ZNF705G: variants seen among roughly 807,000 people sequenced by gnomAD.
ZNF705G encodes the protein zinc finger protein 705G.
ZNF705G carries 23 observed loss-of-function variants against 19.6 expected under a neutral mutation model. That is an observed-to-expected ratio of 1.17 (90% CI 0.84 to 1.66). The LOEUF is 1.66. Ranked by LOEUF, ZNF705G falls within the 40% of genes most tolerant of loss-of-function variation. ZNF705G has a pLI of 0.00. For missense variants in ZNF705G, 457 were observed against 354.4 expected (o/e 1.29, Z -2.32); for synonymous variants, 146 against 117.7 (o/e 1.24, Z -1.56).
chr8:7,365,184 A>C (rs1472415141), intron 2 of ZNF705G, among the ~76,000 whole-genome samples: 8 of 149,606 alleles, frequency 5.3e-5, no homozygotes, highest in South Asian at 2.1e-4. Context: ...ATATTTAAAA[A>C]CACATACATA....
At chr8:7,379,049 G>A (rs1220138769) in intron 2 of ZNF705G, among the ~76,000 whole-genome samples, 93 of 150,244 alleles carry the variant, frequency 6.2e-4, no homozygotes, top group African/African-American at 2.3e-3. Context: ...CTCATTCATA[G>A]AGTTTTCTTT....
In ZNF705G at chr8:7,361,099, C is replaced by T. The variant is rs3989699; in HGVS notation, c.139+11G>A. 1.3e-6 allele frequency: 2 copies of T among 1,587,894 alleles called. No individual in the cohort carries two copies. The highest frequency in any genetic ancestry group is 1.7e-6 in the Non-Finnish European group (2 of 1,176,342). On this transcript the variant is annotated intron_variant, in intron 4 of 6. Transcript: ENST00000400156. ...GTCTCTACATATGTACATGAATGTT[C>T]AGGGACTCACCGAGGGACACCAGGT... is the stretch of plus-strand genomic sequence containing the variant.
intron 2 of ZNF705G, among the ~76,000 whole-genome samples, chr8:7,370,242 G>T (rs1807041330): frequency 6.9e-6 from 1 of 144,586 alleles, no homozygotes; most frequent in Admixed American, 6.7e-5. Flanking sequence ...CTGCACTCCA[G>T]CCTGTGTGAC....
At chr8:7,361,404 T>A (rs1442172190) in intron 3 of ZNF705G, among the ~76,000 whole-genome samples, 168 bp from the exon 4 acceptor site, 1 of 149,664 alleles carries the variant, frequency 6.7e-6, no homozygotes, top group Admixed American at 6.6e-5. Context: ...TCAGATTCAC[T>A]CACAGAGATA....
intron 2 of ZNF705G, among the ~76,000 whole-genome samples, chr8:7,365,855 A>T (rs1207645249): frequency 6.7e-6 from 1 of 149,548 alleles, no homozygotes; most frequent in Non-Finnish European, 1.5e-5. Context: ...TGGACAACAA[A>T]ACCATGTTCT....
At chr8:7,382,044 C>G (rs1411993996) in intron 1 of ZNF705G, among the ~76,000 whole-genome samples, 6 of 152,218 alleles carry the variant, frequency 3.9e-5, no homozygotes, top group Admixed American at 2.6e-4. Flanking sequence ...CACACAAGGG[C>G]GTGATACAAA....
In ZNF705G at chr8:7,356,447, T is replaced by G. The variant is rs1426921251; in HGVS notation, c.*1529A>C. ...GAGCTGCCTTATTCTCTGATCCCAG[T>G]TAACTGCCTAGAGACAGAGGAAAGG... On this transcript the variant is annotated 3_prime_UTR_variant, in exon 7 of 7. Coordinates refer to ENST00000400156, the MANE Select transcript of ZNF705G (RefSeq NM_001164457.3). 1.3e-5 allele frequency: 2 copies of G among 149,784 alleles called. No individual in the cohort carries two copies. 9.3% of individuals were successfully genotyped at this position (149,784 alleles called of 1,614,324 possible).
Position 7,355,819 on chromosome 8 carries a change from C to T in ZNF705G, c.*2157G>A, listed in dbSNP as rs1446930922. On this transcript the variant is annotated 3_prime_UTR_variant, in exon 7 of 7. Transcript: ENST00000400156. ...TAAACAATAAATAATGATATGAGCTCTGCCTGGACACAGTCCTTGCCTCTC... is the reference window on the plus strand; with the variant it reads ...TAAACAATAAATAATGATATGAGCTTTGCCTGGACACAGTCCTTGCCTCTC... The T allele has an allele frequency of 6.7e-6, 1 of 149,560 alleles. No individual in the cohort carries two copies. Among genetic ancestry groups the T allele is most frequent in the Non-Finnish European group, 1.5e-5 (1 of 68,020 alleles). The allele number at this position is 149,560 out of a possible 1,614,324, so 9.3% of individuals were successfully genotyped here.
At chr8:7,368,913 G>A (rs1015820599) in intron 2 of ZNF705G, among the ~76,000 whole-genome samples, 1 of 149,666 alleles carries the variant, frequency 6.7e-6, no homozygotes, top group South Asian at 2.1e-4. Flanking sequence ...AGGTGCACAA[G>A]GTACAGGAGT....
intron 4 of ZNF705G, 89 bp downstream of exon 4, chr8:7,361,021 G>C: frequency 3.2e-6 from 5 of 1,586,708 alleles, no homozygotes; most frequent in Non-Finnish European, 4.3e-6. Context: ...GAAGAGATTA[G>C]AGTGAGATAT....
intron 2 of ZNF705G, among the ~76,000 whole-genome samples, chr8:7,379,409 A>G (rs1424011426): frequency 6.8e-6 from 1 of 147,344 alleles, no homozygotes; most frequent in Non-Finnish European, 1.5e-5. Flanking sequence ...TAAAGCCGTC[A>G]CATAGAATAT....
chr8:7,367,982 C>G (rs1194710949), intron 2 of ZNF705G, among the ~76,000 whole-genome samples: 3 of 149,606 alleles, frequency 2.0e-5, no homozygotes, highest in Non-Finnish European at 4.4e-5. Context: ...ACTTATCTAC[C>G]TTCCAAGGCA....
At chr8:7,363,404 C>T (rs1806696094) in intron 2 of ZNF705G, among the ~76,000 whole-genome samples, 1 of 148,542 alleles carries the variant, frequency 6.7e-6, no homozygotes, top group African/African-American at 2.6e-5. Flanking sequence ...ATTATCCTAG[C>T]TTTATGCCCT....
intron 2 of ZNF705G, among the ~76,000 whole-genome samples, chr8:7,372,401 T>G (rs1807131014): frequency 6.7e-6 from 1 of 150,344 alleles, no homozygotes; most frequent in Admixed American, 6.6e-5. Context: ...AGGAAGACAA[T>G]TTTCCTGACT....
intron 5 of ZNF705G, 24 bp downstream of exon 5, chr8:7,360,213 A>T: frequency 6.3e-7 from 1 of 1,590,614 alleles, no homozygotes; most frequent in Non-Finnish European, 8.5e-7. Flanking sequence ...TCCTCCTATT[A>T]GAGCACAGGA....
rs1806305010 is a variant in ZNF705G at position 7,357,057 on chromosome 8, A to C, written c.*919T>G. ...TGAGAAATCTATCAGGTTTCTCCAC[A>C]GTGATTTTCAAGTTTGATAGCTCCT... On this transcript the variant is annotated 3_prime_UTR_variant, in exon 7 of 7. Transcript: ENST00000400156. The C allele has an allele frequency of 6.7e-6, 1 of 149,950 alleles. No homozygotes were observed. Among genetic ancestry groups the C allele is most frequent in the East Asian group, 1.9e-4 (1 of 5,202 alleles). 9.3% of individuals were successfully genotyped at this position (149,950 alleles called of 1,614,324 possible).
rs1484899422 is a variant in ZNF705G, at chr8:7,358,123, T to C, written c.756A>G (p.Gly252=). The change falls in exon 7 of 7, where the codon GGA becomes GGG. Residue 252 remains glycine (G), a synonymous_variant. Coordinates refer to ENST00000400156, the MANE Select transcript of ZNF705G (RefSeq NM_001164457.3). ...TTTTATCACATTCATAACACTTTTT[T>C]CCAAGGTGAGTTCTCTCATGTCTTT... ...NLQRHERTHL[G]KKCYECDKSG... 4 of 1,607,596 alleles carry C rather than the reference T, an allele frequency of 2.5e-6. No individual in the cohort carries two copies. In the African/African-American group the frequency reaches 5.6e-5, roughly 23 times the overall value.
At chr8:7,380,668 C>T (rs1320148823) in intron 2 of ZNF705G, among the ~76,000 whole-genome samples, 2 of 146,146 alleles carry the variant, frequency 1.4e-5, no homozygotes, top group Non-Finnish European at 2.9e-5. Context: ...ATTGCTGATG[C>T]TACACATGCC....
rs1206474578 is a variant in ZNF705G, at chr8:7,357,593, T to C, written c.*383A>G. 9.7e-6 allele frequency: 3 copies of C among 310,812 alleles called. No individual in the cohort carries two copies. The highest frequency in any genetic ancestry group is 1.7e-5 in the Non-Finnish European group (3 of 175,740). 19.3% of individuals were successfully genotyped at this position (310,812 alleles called of 1,614,324 possible). ...AGTTGATTATATTGACAGTTTCAGC[T>C]CTCTCATGTCACTTATGCTCAGATC... is the stretch of plus-strand genomic sequence containing the variant. On this transcript the variant is annotated 3_prime_UTR_variant, in exon 7 of 7. Coordinates refer to ENST00000400156, the MANE Select transcript of ZNF705G (RefSeq NM_001164457.3).
Sources: gnomAD v4.1 joint callset for allele counts (sites outside exome capture counted in the v4.1 genomes callset) on GRCh38, gnomAD v4.1.1 for gene constraint, MANE v1.5 for transcripts, NCBI Gene and HGNC (gene_info 2026-07-23, HGNC 2026-07-21) for gene names.